The following FSHR variants were observed in gnomAD, a reference collection of about 807,000 sequenced individuals.
The protein encoded by FSHR is follicle-stimulating hormone receptor.
FSHR carries 46 observed loss-of-function variants against 52.1 expected under a neutral mutation model. The observed-to-expected ratio is 0.88, with a 90% CI of 0.70 to 1.13. The LOEUF (loss-of-function observed/expected upper bound fraction) is 1.13. Ranked by LOEUF, FSHR falls within the 50% of genes most tolerant of loss-of-function variation. FSHR has a pLI of 0.00. For missense variants in FSHR, 964 were observed against 834.6 expected, an observed-to-expected ratio of 1.16 and a Z score of -1.91; for synonymous variants, 399 against 309.6, an observed-to-expected ratio of 1.29 and a Z score of -3.03.
chr2:48,968,571 G>A, intron 9 of FSHR, 127 bp downstream of exon 9: 3 of 1,097,784 alleles, frequency 2.7e-6, no homozygotes, highest in Non-Finnish European at 4.1e-6. Context: ...GACCCAGAAT[G>A]TGCCAAAGGG....
At chr2:48,976,774 G>C (rs1424657088) in intron 8 of FSHR, among the ~76,000 whole-genome samples, 2 of 152,126 alleles carry the variant, frequency 1.3e-5, no homozygotes, top group Non-Finnish European at 2.9e-5. Flanking sequence ...TTGCATAGAG[G>C]TGTTTATAGT....
chr2:49,027,109 G>T (rs1483566540), intron 2 of FSHR, among the ~76,000 whole-genome samples: 1 of 152,126 alleles, frequency 6.6e-6, no homozygotes, highest in African/African-American at 2.4e-5. Context: ...ACTAACCTAA[G>T]TTTTTAATTC....
chr2:48,990,486 G>T (rs1379556344), intron 5 of FSHR, 80 bp downstream of exon 5: 4 of 895,044 alleles, frequency 4.5e-6, no homozygotes, highest in Admixed American at 1.7e-5. Context: ...ACTACACAAT[G>T]CATATTAAAG....
Position 48,962,877 on chromosome 2 carries a change from T to C in FSHR, c.1944A>G (p.Glu648=), listed in dbSNP as rs758390491. Residue 648 remains glutamate (E), a synonymous_variant, in exon 10 of 10, where the codon GAA becomes GAG. Transcript: ENST00000406846. ...CTGTCCTATAAATTTGGGCTTGCAT[T>C]TCATAGCAGCCACACTTGCTCAGCA... ...FILLSKCGCY[E]MQAQIYRTET... is the part of the protein sequence containing the mutation. 1.5e-5 allele frequency: 25 copies of C among 1,614,032 alleles called. No individual in the cohort carries two copies. Among genetic ancestry groups the C allele is most frequent in the Non-Finnish European group, 1.9e-5 (23 of 1,180,032 alleles).
intron 2 of FSHR, among the ~76,000 whole-genome samples, chr2:49,061,685 A>G (rs1423323021): frequency 1.4e-5 from 2 of 141,040 alleles, no homozygotes; most frequent in African/African-American, 5.3e-5. Context: ...ATATATAACT[A>G]TATATTTATA....
chr2:48,982,923 T>G lies in FSHR; in HGVS notation c.657A>C (p.Gly219=). The change falls in exon 8 of 10, where the codon GGA becomes GGC. Residue 219 remains glycine, a synonymous_variant. Transcript: ENST00000406846. Reference sequence around the variant, plus strand: ...GGAAAGCTACTCACAGAATGACTGGTCCAGAGGCTCCGTGGAAAACATCAT... The same window carrying G: ...GGAAAGCTACTCACAGAATGACTGGGCCAGAGGCTCCGTGGAAAACATCAT... The part of the protein sequence containing the change: ...LPNDVFHGAS[G]PVILDISRTR... 1.2e-6 allele frequency: 2 copies of G among 1,613,592 alleles called. No homozygotes were observed. The highest frequency in any genetic ancestry group is 1.7e-6 in the Non-Finnish European group (2 of 1,179,492).
At chr2:49,141,234 A>T (rs1225580184) in intron 1 of FSHR, among the ~76,000 whole-genome samples, 2 of 151,768 alleles carry the variant, frequency 1.3e-5, no homozygotes, top group Non-Finnish European at 2.9e-5. Flanking sequence ...AGTTGCTTGT[A>T]CCCATCTGTG....
At chr2:49,049,950 A>G (rs1299139689) in intron 2 of FSHR, among the ~76,000 whole-genome samples, 1 of 151,982 alleles carries the variant, frequency 6.6e-6, no homozygotes, top group African/African-American at 2.4e-5. Context: ...CAGTTCTTAG[A>G]TACTGTAGAG....
intron 1 of FSHR, among the ~76,000 whole-genome samples, chr2:49,136,782 T>C (rs1357631040): frequency 1.3e-5 from 2 of 152,246 alleles, no homozygotes; most frequent in South Asian, 2.1e-4. Context: ...ATTGTCTCAA[T>C]TGACACATGT....
chr2:48,990,722 T>C, intron 4 of FSHR, 85 bp from the exon 5 acceptor site: 1 of 868,518 alleles, frequency 1.2e-6, no homozygotes, highest in Non-Finnish European at 2.0e-6. Context: ...AGAATAAAAA[T>C]ATCAATTTTG....
chr2:49,127,329 G>GAAA (rs56891689), intron 1 of FSHR, among the ~76,000 whole-genome samples: 1 of 134,956 alleles, frequency 7.4e-6, no homozygotes, highest in Non-Finnish European at 1.6e-5. Context: ...CTTTGTCTAA[G>GAAA]AAAAAAAAAA....
chr2:48,967,042 G>C (rs142042322), intron 9 of FSHR, among the ~76,000 whole-genome samples: 1 of 152,308 alleles, frequency 6.6e-6, no homozygotes, highest in East Asian at 1.9e-4. Context: ...TTCTTGGGGT[G>C]TGTTGGAACT....
Position 48,968,878 on chromosome 2 carries a change from A to ATATCTCTATAAAG in FSHR, c.669-8_673dup (p.Ile225ThrfsTer3). On this transcript the variant is annotated stop_gained and frameshift_variant, in exon 9 of 10. Transcript: ENST00000406846. LOFTEE classifies it high-confidence loss of function. ...CAGGGAATGGATCCTTGTTCTTGAA[A>ATATCTCTATAAAG]TATCTCTATAAAGAGAAAAGGTAAA... The ATATCTCTATAAAG allele has an allele frequency of 6.2e-7, 1 of 1,613,278 alleles. No homozygotes were observed. Among genetic ancestry groups the ATATCTCTATAAAG allele is most frequent in the Non-Finnish European group, 8.5e-7 (1 of 1,179,796 alleles).
intron 1 of FSHR, among the ~76,000 whole-genome samples, chr2:49,080,893 C>T (rs927640308): frequency 6.6e-6 from 1 of 152,182 alleles, no homozygotes; most frequent in African/African-American, 2.4e-5. Flanking sequence ...TTCCCCTACT[C>T]TAATTACCTA....
At chr2:49,032,577 C>T (rs1426960831) in intron 2 of FSHR, among the ~76,000 whole-genome samples, 2 of 152,210 alleles carry the variant, frequency 1.3e-5, no homozygotes, top group East Asian at 3.8e-4. Context: ...TTCAATGTTT[C>T]CTGCTAATAG....
intron 1 of FSHR, among the ~76,000 whole-genome samples, chr2:49,074,189 A>G (rs971765800): frequency 1.3e-5 from 2 of 152,128 alleles, no homozygotes; most frequent in African/African-American, 4.8e-5. Context: ...AACAAATGGG[A>G]TTATGTCAAA....
intron 2 of FSHR, among the ~76,000 whole-genome samples, chr2:49,052,439 T>A (rs1256990708): frequency 6.6e-6 from 1 of 152,230 alleles, no homozygotes; most frequent in African/African-American, 2.4e-5. Flanking sequence ...GCTTTCAATT[T>A]TAGATGTACA....
chr2:49,084,433 G>C (rs1015731002), intron 1 of FSHR, among the ~76,000 whole-genome samples: 2 of 152,094 alleles, frequency 1.3e-5, no homozygotes, highest in Non-Finnish European at 2.9e-5. Flanking sequence ...ACAATTAAAG[G>C]AACTAGAAAA....
rs1675318287 is a variant in FSHR at position 48,982,934 on chromosome 2, C to T, written c.646G>A (p.Gly216Arg). ...CACAGAATGACTGGTCCAGAGGCTC[C>T]GTGGAAAACATCATTAGGCAATTCT... ...LEELPNDVFHGASGPVILDIS... is the reference protein window; with the variant it reads ...LEELPNDVFHRASGPVILDIS... The change falls in exon 8 of 10, where the codon GGA becomes AGA. Residue 216 changes from glycine (G) to arginine (R), a missense_variant. Physicochemically the swap from Gly to Arg is moderately radical, Grantham distance 125 (BLOSUM62 -2). Transcript: ENST00000406846. 6.8e-6 allele frequency: 11 copies of T among 1,613,888 alleles called. No individual in the cohort carries two copies. Among genetic ancestry groups the T allele is most frequent in the Middle Eastern group, 1.6e-4 (1 of 6,062 alleles).
Sources: gnomAD v4.1 joint callset for allele counts (sites outside exome capture counted in the v4.1 genomes callset) on GRCh38, gnomAD v4.1.1 for gene constraint, MANE v1.5 for transcripts, NCBI Gene and HGNC (gene_info 2026-07-23, HGNC 2026-07-21) for gene names.